CUL9: variants seen among roughly 807,000 people sequenced by gnomAD.
CUL9 encodes cullin 9, also known as cullin-9.
CUL9 carries 79 observed loss-of-function variants against 272.6 expected under a neutral mutation model. The ratio of observed to expected loss-of-function variants is 0.29; its 90% CI spans 0.24 to 0.35. The LOEUF (loss-of-function observed/expected upper bound fraction) is 0.35. Among genes scored for constraint, CUL9 ranks in the 10% least tolerant of loss-of-function variants. The pLI is 1.00. For missense variants in CUL9, 2,532 were observed against 3,255.6 expected (o/e 0.78, Z 5.41); for synonymous variants, 1,186 against 1,286.5 (o/e 0.92, Z 1.67).
At chr6:43,216,098 A>T in intron 30 of CUL9, 60 bp from the exon 31 acceptor site, 1 of 1,495,094 alleles carries the variant, frequency 6.7e-7, no homozygotes, top group Non-Finnish European at 9.1e-7. Flanking sequence ...GGTGGGGTTC[A>T]GTTAGTAGGC....
Position 43,188,664 on chromosome 6 carries a change from A to G in CUL9, c.2129A>G (p.Glu710Gly). Residue 710 changes from glutamate to glycine, a missense_variant, in exon 8 of 41, where the codon GAG becomes GGG. Physicochemically the swap from Glu to Gly is moderately conservative, Grantham distance 98. This residue lies in a region of CUL9 where 2,218 missense variants were observed against 2,788.6 expected (regional missense o/e 0.80). Transcript: ENST00000252050. ...CTCTCTGCCCTCTCTCAGGCTGTGG[A>G]GGAGGTCACTGAGCGGGACCACCCT... ...SGLSALSQAV[E>G]EVTERDHPLV... The G allele has an allele frequency of 6.2e-7, 1 of 1,614,096 alleles. No homozygotes were observed. Among genetic ancestry groups the G allele is most frequent in the Non-Finnish European group, 8.5e-7 (1 of 1,180,002 alleles).
chr6:43,200,614 C>T lies in CUL9; in HGVS notation c.3476-49C>T, dbSNP rs1338667733. 3 of 1,613,382 alleles carry T rather than the reference C, an allele frequency of 1.9e-6. No homozygotes were observed. The highest frequency in any genetic ancestry group is 1.7e-6 in the Non-Finnish European group (2 of 1,179,560). ...TGCTCCTTAGACCTTTTCCTTTTTC[C>T]TCTCAACTAACCTAGCTGTGACTGC... On this transcript the variant is annotated intron_variant, in intron 15 of 40. Coordinates refer to ENST00000252050, the MANE Select transcript of CUL9 (RefSeq NM_015089.4). The surrounding 1 kb of genome is among the most constrained non-coding windows in gnomAD (Gnocchi z 4.0).
chr6:43,207,828 G>A (rs934828629), intron 26 of CUL9, among the ~76,000 whole-genome samples: 1 of 152,154 alleles, frequency 6.6e-6, no homozygotes, highest in Non-Finnish European at 1.5e-5. Context: ...TGATTAAGAA[G>A]AATGTGTATT....
Position 43,224,047 on chromosome 6 carries a change from G to T in CUL9, c.7285-48G>T, listed in dbSNP as rs749338789. ...AGTGGAAGGAATGCTGGGTCCAAAGGCCCCATGCCCTCTACCTCCTTCTCA... is the reference window on the plus strand; with the variant it reads ...AGTGGAAGGAATGCTGGGTCCAAAGTCCCCATGCCCTCTACCTCCTTCTCA... On this transcript the variant is annotated intron_variant, in intron 39 of 40. Coordinates refer to ENST00000252050, the MANE Select transcript of CUL9 (RefSeq NM_015089.4). The surrounding 1 kb of genome is among the most constrained non-coding windows in gnomAD (Gnocchi z 4.2). 145 of 1,579,400 alleles carry T rather than the reference G, an allele frequency of 9.2e-5. No individual in the cohort carries two copies. Among genetic ancestry groups the T allele is most frequent in the South Asian group, 2.1e-4 (19 of 90,310 alleles).
intron 36 of CUL9, 35 bp from the exon 37 acceptor site, chr6:43,222,496 C>T (rs1776454799): frequency 6.2e-7 from 1 of 1,611,086 alleles, no homozygotes; most frequent in Non-Finnish European, 8.5e-7. Context: ...TGCTGCGCCA[C>T]CTGTGCTGGT....
intron 16 of CUL9, among the ~76,000 whole-genome samples, chr6:43,201,807 G>A (rs1390693111): frequency 1.3e-5 from 2 of 152,238 alleles, no homozygotes; most frequent in African/African-American, 4.8e-5. Context: ...AGTGGCGGAA[G>A]ATACAGGCCA....
At chr6:43,201,628 T>C (rs566428986) in intron 16 of CUL9, among the ~76,000 whole-genome samples, 38 of 152,234 alleles carry the variant, frequency 2.5e-4, no homozygotes, top group Admixed American at 1.0e-3. Flanking sequence ...TACAGGCGCC[T>C]GCCACCACGC....
Position 43,196,100 on chromosome 6 carries a change from C to T in CUL9, c.2420C>T (p.Ser807Leu), listed in dbSNP as rs780490558. 9 of 1,613,730 alleles carry T rather than the reference C, an allele frequency of 5.6e-6. No homozygotes were observed. The East Asian group carries it at 1.1e-4, about 20-fold the overall frequency. ...ALKMLAVASSSEIPTFVTGRD... is the reference protein window; with the variant it reads ...ALKMLAVASSLEIPTFVTGRD... The stretch of plus-strand genomic sequence containing the variant: ...AAGATGCTGGCCGTCGCCAGCTCCT[C>T]GGAGATCCCCACTTTTGTTACTGGC... Residue 807 changes from serine to leucine, a missense_variant, in exon 10 of 41, where the codon TCG becomes TTG. Ser to Leu is a moderately radical substitution (Grantham distance 145). Around this residue, in one of 3 missense-constraint regions of CUL9, gnomAD observed 2,218 missense variants for 2,788.6 expected, o/e 0.80. Transcript: ENST00000252050.
At position 43,203,815 on chromosome 6, in the gene CUL9, G is replaced by A. The variant is rs192647481; in HGVS notation, c.4026-39G>A. 10 of 1,565,832 alleles carry A rather than the reference G, an allele frequency of 6.4e-6. No homozygotes were observed. The highest frequency in any genetic ancestry group is 2.3e-5 in the South Asian group (2 of 85,176). ...CTTGAATGGAGGCCTCTGGGAAATC[G>A]GTGCCATTAATCCTCCGCCATGCAC... On this transcript the variant is annotated intron_variant, in intron 19 of 40. Coordinates refer to ENST00000252050, the MANE Select transcript of CUL9 (RefSeq NM_015089.4). The surrounding 1 kb of genome is among the most constrained non-coding windows in gnomAD (Gnocchi z 5.0).
At position 43,222,869 on chromosome 6, in the gene CUL9, C is replaced by T; in HGVS notation, c.7123C>T (p.His2375Tyr). 6.2e-7 allele frequency: 1 copy of T among 1,613,834 alleles called. No individual in the cohort carries two copies. The highest frequency in any genetic ancestry group is 8.5e-7 in the Non-Finnish European group (1 of 1,179,882). Residue 2375 changes from histidine (H) to tyrosine (Y), a missense_variant, in exon 38 of 41, where the codon CAC (histidine) becomes TAC (tyrosine). Transcript: ENST00000252050. ...GCAGCAGACAGAGAACCTGGAGCTG[C>T]ACACCAATGCCCTGCAGATCCTCCT... is the stretch of plus-strand genomic sequence containing the variant. The part of the protein sequence containing the change: ...VEQQTENLEL[H>Y]TNALQILLEE...
intron 8 of CUL9, among the ~76,000 whole-genome samples, chr6:43,190,759 T>C (rs766517198): frequency 1.3e-5 from 2 of 152,226 alleles, no homozygotes; most frequent in Non-Finnish European, 2.9e-5. Flanking sequence ...AACAGAACTT[T>C]CCCAGAAGTT....
chr6:43,220,328 A>C lies in CUL9; in HGVS notation c.6283-131A>C. On this transcript the variant is annotated intron_variant, in intron 31 of 40. Transcript: ENST00000252050. This position sits in a 1 kb window ranked among gnomAD's most constrained non-coding sequence, Gnocchi z 4.9. Reference sequence around the variant, plus strand: ...AGTCAGCATTGGTTGATCTAGAGGCAGGCTTGTTTCTGGCCTTCCACGTTG... The same window carrying C: ...AGTCAGCATTGGTTGATCTAGAGGCCGGCTTGTTTCTGGCCTTCCACGTTG... 1 of 1,033,340 alleles carries C rather than the reference A, an allele frequency of 9.7e-7. No homozygotes were observed. The highest frequency in any genetic ancestry group is 1.5e-5 in the South Asian group (1 of 66,098). The allele number at this position is 1,033,340 out of a possible 1,614,324, so 64.0% of individuals were successfully genotyped here. A position where few individuals can be genotyped will look rare whatever the true frequency, so the allele number is the denominator to read the frequency against.
In CUL9 at chr6:43,203,230, TGAG is replaced by T. The variant is rs753329482; in HGVS notation, c.3849+37_3849+39del. On this transcript the variant is annotated intron_variant, in intron 18 of 40. Transcript: ENST00000252050. The surrounding 1 kb of genome is among the most constrained non-coding windows in gnomAD (Gnocchi z 5.0). ...GTGGTGTTAGGGTGTCAGCCAGGGC[TGAG>T]GAGGAGGAGGTGGCACACAAGTTTC... The T allele has an allele frequency of 1.2e-6, 2 of 1,613,268 alleles. No homozygotes were observed. The highest frequency in any genetic ancestry group is 1.3e-5 in the African/African-American group (1 of 74,994).
chr6:43,190,635 C>T (rs1773381101), intron 8 of CUL9, among the ~76,000 whole-genome samples: 1 of 152,138 alleles, frequency 6.6e-6, no homozygotes, highest in African/African-American at 2.4e-5. Flanking sequence ...ATGTATTACC[C>T]ATGTATATTA....
chr6:43,186,150 A>C lies in CUL9; in HGVS notation c.946A>C (p.Ser316Arg), dbSNP rs752452800. The C allele has an allele frequency of 6.2e-7, 1 of 1,614,172 alleles. No homozygotes were observed. Among genetic ancestry groups the C allele is most frequent in the Non-Finnish European group, 8.5e-7 (1 of 1,180,024 alleles). The stretch of plus-strand genomic sequence containing the variant: ...CAACCTCATCTCTGAGCTTGTGCGG[A>C]GCATGGGCTGGGCCCGGAACCTCAG... ...VGNLISELVR[S>R]MGWARNLSEQ... Residue 316 changes from serine (S) to arginine (R), a missense_variant, in exon 4 of 41, where the codon AGC becomes CGC. Ser to Arg is a moderately radical substitution (Grantham distance 110). Around this residue, in one of 3 missense-constraint regions of CUL9, gnomAD observed 2,218 missense variants for 2,788.6 expected, o/e 0.80. Transcript: ENST00000252050.
intron 26 of CUL9, among the ~76,000 whole-genome samples, chr6:43,210,743 AAAT>A (rs1248972409): frequency 2.6e-5 from 4 of 152,258 alleles, no homozygotes; most frequent in Middle Eastern, 3.4e-3. Context: ...ATAAATTCAT[AAAT>A]AATAAACTCA....
rs779232666 is a variant in CUL9 at position 43,224,358 on chromosome 6, C to G, written c.7467C>G (p.Ser2489Arg). 1 of 1,614,214 alleles carries G rather than the reference C, an allele frequency of 6.2e-7. No individual in the cohort carries two copies. Among genetic ancestry groups the G allele is most frequent in the Non-Finnish European group, 8.5e-7 (1 of 1,180,044 alleles). ...DEFDEELDND[S>R]FSYDESENLD... ...TTGATGAGGAGCTGGACAATGACAGCTTCTCCTACGATGAGTCTGAGAACC... is the reference window on the plus strand; with the variant it reads ...TTGATGAGGAGCTGGACAATGACAGGTTCTCCTACGATGAGTCTGAGAACC... Residue 2489 changes from serine to arginine, a missense_variant, in exon 41 of 41, where the codon AGC (serine) becomes AGG (arginine). Ser to Arg is a moderately radical substitution (Grantham distance 110, BLOSUM62 -1). Around this residue, in one of 3 missense-constraint regions of CUL9, gnomAD observed 237 missense variants for 305.9 expected, o/e 0.77. Transcript: ENST00000252050. The surrounding 1 kb of genome is among the most constrained non-coding windows in gnomAD (Gnocchi z 4.2).
chr6:43,200,509 T>A lies in CUL9; in HGVS notation c.3458T>A (p.Leu1153His). 6.2e-7 allele frequency: 1 copy of A among 1,614,168 alleles called. No individual in the cohort carries two copies. Among genetic ancestry groups the A allele is most frequent in the East Asian group, 2.2e-5 (1 of 44,890 alleles). ...PINIPFFDVF[L>H]RHLCQGSSVE... Reference sequence around the variant, plus strand: ...AATATCCCCTTCTTTGATGTGTTCCTCAGGCATCTCTGCCAGGGTTAGTGC... The same window carrying A: ...AATATCCCCTTCTTTGATGTGTTCCACAGGCATCTCTGCCAGGGTTAGTGC... The change falls in exon 15 of 41, where the codon CTC becomes CAC. Residue 1153 changes from leucine to histidine, a missense_variant. Transcript: ENST00000252050. This position sits in a 1 kb window ranked among gnomAD's most constrained non-coding sequence, Gnocchi z 4.0.
intron 31 of CUL9, 60 bp downstream of exon 31, chr6:43,216,563 C>A (rs1775953037): frequency 7.0e-7 from 1 of 1,434,118 alleles, no homozygotes; most frequent in Non-Finnish European, 9.5e-7. Context: ...AACAAAATTC[C>A]TTGGGAATTC....
Sources: gnomAD v4.1 joint callset for allele counts (sites outside exome capture counted in the v4.1 genomes callset) on GRCh38, gnomAD v4.1.1 for gene constraint, gnomAD v4.1.1 regional missense constraint, Gnocchi (gnomAD v3.1) non-coding constraint, MANE v1.5 for transcripts, NCBI Gene and HGNC (gene_info 2026-07-23, HGNC 2026-07-21) for gene names.